The following GRID1 variants were observed in gnomAD, a reference collection of about 807,000 sequenced individuals.
GRID1 encodes the protein glutamate ionotropic receptor delta type subunit 1.
Under a neutral mutation model 98.0 loss-of-function variants are expected in GRID1, and 28 were observed. The ratio of observed to expected loss-of-function variants is 0.29; its 90% CI spans 0.21 to 0.39. The LOEUF is 0.39. Among genes scored for constraint, GRID1 ranks in the 10% least tolerant of loss-of-function variants. The probability of loss-of-function intolerance (pLI) is 1.00; values close to 1 mark genes in which losing one functional copy is unlikely to be tolerated. For synonymous variants in GRID1, 553 were observed against 538.5 expected (o/e 1.03, Z -0.37); for missense variants, 1,111 against 1,340.5 (o/e 0.83, Z 2.67).
At chr10:86,002,615 C>T (rs1007831970) in intron 4 of GRID1, among the ~76,000 whole-genome samples, 2 of 152,274 alleles carry the variant, frequency 1.3e-5, no homozygotes, top group African/African-American at 4.8e-5. Flanking sequence ...CACTTACAAC[C>T]CCCCAGACTC....
chr10:85,816,003 T>C (rs1477170523), intron 8 of GRID1, among the ~76,000 whole-genome samples: 1 of 152,014 alleles, frequency 6.6e-6, no homozygotes, highest in African/African-American at 2.4e-5. Flanking sequence ...AAATATATAT[T>C]ATGATAATAA....
intron 8 of GRID1, among the ~76,000 whole-genome samples, chr10:85,815,490 G>GA (rs1407497919): frequency 1.3e-5 from 2 of 151,864 alleles, no homozygotes; most frequent in African/African-American, 2.4e-5. Context: ...TCTCTATGTA[G>GA]AAAAAACTAA....
At chr10:85,650,661 C>T (rs1843256695) in intron 12 of GRID1, among the ~76,000 whole-genome samples, 2 of 152,126 alleles carry the variant, frequency 1.3e-5, no homozygotes, top group African/African-American at 4.8e-5. Flanking sequence ...GTAGCTAACC[C>T]ATGGGTAGGA....
At chr10:85,938,828 A>G (rs1841960726) in intron 4 of GRID1, among the ~76,000 whole-genome samples, 1 of 152,234 alleles carries the variant, frequency 6.6e-6, no homozygotes. Context: ...GCTTTAAAAA[A>G]TTACAACTTG....
intron 4 of GRID1, among the ~76,000 whole-genome samples, chr10:86,026,782 G>A (rs1843122092): frequency 6.6e-6 from 1 of 152,230 alleles, no homozygotes; most frequent in South Asian, 2.1e-4. Flanking sequence ...GATGACCAGA[G>A]ACTGGTGCTT....
At chr10:85,717,942 T>TATC (rs1554826805) in intron 12 of GRID1, among the ~76,000 whole-genome samples, 1 of 151,826 alleles carries the variant, frequency 6.6e-6, no homozygotes, top group Non-Finnish European at 1.5e-5. Flanking sequence ...TCCAAAATGA[T>TATC]CTTTGACTCC....
chr10:86,304,477 C>G (rs1012129160), intron 2 of GRID1, among the ~76,000 whole-genome samples: 1 of 152,228 alleles, frequency 6.6e-6, no homozygotes, highest in African/African-American at 2.4e-5. Flanking sequence ...GACCTCTGAG[C>G]AGGACCCAGT....
At chr10:85,963,264 T>C (rs865783854) in intron 4 of GRID1, among the ~76,000 whole-genome samples, 3 of 152,144 alleles carry the variant, frequency 2.0e-5, no homozygotes, top group Admixed American at 6.5e-5. Context: ...TCGGGTCCCA[T>C]GGATTCTACT....
chr10:86,213,886 A>G (rs1194505860), intron 2 of GRID1, among the ~76,000 whole-genome samples: 4 of 152,116 alleles, frequency 2.6e-5, no homozygotes, highest in Non-Finnish European at 5.9e-5. Context: ...TCCACCCACC[A>G]GTTCCTAACC....
chr10:86,278,403 A>C (rs1353307352), intron 2 of GRID1, among the ~76,000 whole-genome samples: 2 of 149,334 alleles, frequency 1.3e-5, no homozygotes, highest in Non-Finnish European at 3.0e-5. Context: ...CCCAAAGTAA[A>C]TAGAATAAAG....
intron 8 of GRID1, among the ~76,000 whole-genome samples, chr10:85,787,251 C>T (rs975792217): frequency 3.1e-4 from 47 of 152,194 alleles, no homozygotes; most frequent in African/African-American, 1.1e-3. Context: ...CCTGCCCTGG[C>T]CACTCCCAGG....
At chr10:85,924,881 G>A (rs1163286953) in intron 4 of GRID1, among the ~76,000 whole-genome samples, 1 of 152,152 alleles carries the variant, frequency 6.6e-6, no homozygotes, top group African/African-American at 2.4e-5. Flanking sequence ...AGAAGCGCCC[G>A]CTCACAGCCC....
chr10:86,241,866 G>A (rs532859471), intron 2 of GRID1, among the ~76,000 whole-genome samples: 24 of 152,212 alleles, frequency 1.6e-4, no homozygotes, highest in African/African-American at 5.5e-4. Flanking sequence ...TCAGAGCCCC[G>A]GGTATTTTGC....
intron 4 of GRID1, among the ~76,000 whole-genome samples, chr10:86,135,616 A>C (rs943494637): frequency 6.6e-6 from 1 of 152,192 alleles, no homozygotes; most frequent in South Asian, 2.1e-4. Flanking sequence ...GTGGGGCCTG[A>C]CACACAAGCC....
chr10:86,283,634 G>A (rs1250840982), intron 2 of GRID1, among the ~76,000 whole-genome samples: 1 of 150,770 alleles, frequency 6.6e-6, no homozygotes, highest in African/African-American at 2.5e-5. Context: ...ACACATATCT[G>A]CCCTCACACA....
intron 4 of GRID1, among the ~76,000 whole-genome samples, chr10:86,073,286 C>T (rs1202517989): frequency 1.3e-5 from 2 of 152,246 alleles, no homozygotes; most frequent in African/African-American, 2.4e-5. Flanking sequence ...CCAATTTATT[C>T]AGCACAACCT....
At chr10:86,202,800 C>A (rs1564705130) in intron 3 of GRID1, among the ~76,000 whole-genome samples, 1 of 152,188 alleles carries the variant, frequency 6.6e-6, no homozygotes, top group African/African-American at 2.4e-5. Flanking sequence ...GGCTGATGGG[C>A]AAATGAGGAA....
At chr10:85,877,840 T>C (rs1404266313) in intron 5 of GRID1, among the ~76,000 whole-genome samples, 1 of 152,038 alleles carries the variant, frequency 6.6e-6, no homozygotes, top group Admixed American at 6.6e-5. Flanking sequence ...AGGAGGAAAT[T>C]CAAACCAATG....
intron 4 of GRID1, among the ~76,000 whole-genome samples, chr10:86,132,876 A>C (rs1021959714): frequency 6.6e-6 from 1 of 152,328 alleles, no homozygotes; most frequent in East Asian, 1.9e-4. Flanking sequence ...TGGGAAGCCA[A>C]TCTGGGAGAG....
Sources: gnomAD v4.1 joint callset for allele counts (sites outside exome capture counted in the v4.1 genomes callset) on GRCh38, gnomAD v4.1.1 for gene constraint, MANE v1.5 for transcripts, NCBI Gene and HGNC (gene_info 2026-07-23, HGNC 2026-07-21) for gene names.